The following XPR1 variants were observed in gnomAD, a reference collection of about 807,000 sequenced individuals.
The protein encoded by XPR1 is xenotropic and polytropic retrovirus receptor 1.
Under a neutral mutation model 87.5 loss-of-function variants are expected in XPR1, and 28 were observed. The observed-to-expected ratio is 0.32, with a 90% CI of 0.24 to 0.44. The LOEUF (loss-of-function observed/expected upper bound fraction) is 0.44, where lower values mean the gene tolerates loss of function less well. Ranked by LOEUF, XPR1 falls within the 20% of genes least tolerant of loss-of-function variation. XPR1 has a pLI of 1.00. For synonymous variants in XPR1, 300 were observed against 306.1 expected, an observed-to-expected ratio of 0.98 and a Z score of 0.21; for missense variants, 559 against 862.3, an observed-to-expected ratio of 0.65 and a Z score of 4.41.
At chr1:180,702,678 C>T (rs767494417) in intron 2 of XPR1, among the ~76,000 whole-genome samples, 5 of 151,760 alleles carry the variant, frequency 3.3e-5, no homozygotes, top group Non-Finnish European at 7.4e-5. Context: ...TTTCTCATTC[C>T]GATCATGAAT....
chr1:180,786,187 A>G (rs1649134617), intron 2 of XPR1, among the ~76,000 whole-genome samples: 1 of 152,194 alleles, frequency 6.6e-6, no homozygotes, highest in African/African-American at 2.4e-5. Context: ...GTGCAGTCTT[A>G]TTCAAATAAA....
chr1:180,860,488 A>G (rs1279299537), intron 11 of XPR1, among the ~76,000 whole-genome samples: 1 of 152,204 alleles, frequency 6.6e-6, no homozygotes, highest in Non-Finnish European at 1.5e-5. Flanking sequence ...AACAATTTGT[A>G]TACATCCTTA....
intron 2 of XPR1, among the ~76,000 whole-genome samples, chr1:180,746,466 G>C (rs1443816138): frequency 1.3e-5 from 2 of 152,144 alleles, no homozygotes; most frequent in East Asian, 3.9e-4. Context: ...CTTTCTTATG[G>C]CTGAGTAGTA....
chr1:180,669,362 ATTTTG>A (rs1213524434), intron 1 of XPR1, among the ~76,000 whole-genome samples: 3 of 151,656 alleles, frequency 2.0e-5, no homozygotes, highest in South Asian at 2.1e-4. Flanking sequence ...TAGTGTATAA[ATTTTG>A]TTTTGTTTTG....
intron 11 of XPR1, among the ~76,000 whole-genome samples, chr1:180,847,916 T>C (rs1651739267): frequency 6.6e-6 from 1 of 152,196 alleles, no homozygotes; most frequent in African/African-American, 2.4e-5. Flanking sequence ...AGGAATGGTT[T>C]GTGCCATTTA....
Position 180,788,150 on chromosome 1 carries a change from T to G in XPR1, c.223+296T>G, listed in dbSNP as rs16856438. 0.034 allele frequency among the ~76,000 whole-genome samples: 5,160 copies of G among 152,242 alleles called. 130 individuals are homozygous for G. Among genetic ancestry groups the G allele is most frequent in the African/African-American group, 0.07 (2,911 of 41,524 alleles). On this transcript the variant is annotated intron_variant, in intron 3 of 14. Transcript: ENST00000367590. ...TTCAAAGCTTGAAGAGTCAGAAACTTGATTTTATCATTTTGGCCAGAGATG... is the reference window on the plus strand; with the variant it reads ...TTCAAAGCTTGAAGAGTCAGAAACTGGATTTTATCATTTTGGCCAGAGATG...
intron 11 of XPR1, among the ~76,000 whole-genome samples, chr1:180,854,479 C>G (rs866937006): frequency 6.6e-6 from 1 of 152,182 alleles, no homozygotes; most frequent in Non-Finnish European, 1.5e-5. Context: ...AAATTCGGCT[C>G]TTTGTGTCAA....
intron 2 of XPR1, among the ~76,000 whole-genome samples, chr1:180,780,150 T>C (rs894805454): frequency 6.6e-6 from 1 of 152,246 alleles, no homozygotes; most frequent in African/African-American, 2.4e-5. Context: ...TGTGAACATA[T>C]GTTTTTACTT....
chr1:180,784,957 C>G (rs979083516), intron 2 of XPR1, among the ~76,000 whole-genome samples: 7 of 142,722 alleles, frequency 4.9e-5, no homozygotes, highest in African/African-American at 1.8e-4. Context: ...GCACACAATT[C>G]TTGCTGTTTT....
chr1:180,647,255 G>A (rs913617483), intron 1 of XPR1, among the ~76,000 whole-genome samples: 3 of 152,196 alleles, frequency 2.0e-5, no homozygotes, highest in East Asian at 1.9e-4. Flanking sequence ...TCGCTTGCTC[G>A]CTTGCCCACT....
chr1:180,635,702 A>G (rs952533346), intron 1 of XPR1, among the ~76,000 whole-genome samples: 6 of 152,212 alleles, frequency 3.9e-5, no homozygotes, highest in African/African-American at 1.4e-4. Context: ...ATATGTGTAT[A>G]TGTCTCTTGA....
chr1:180,831,446 T>A (rs569098508), intron 9 of XPR1, among the ~76,000 whole-genome samples: 34 of 149,384 alleles, frequency 2.3e-4, no homozygotes, highest in Non-Finnish European at 2.7e-4. Context: ...GTGCAGAACA[T>A]GCAGGTTTGT....
intron 7 of XPR1, among the ~76,000 whole-genome samples, chr1:180,815,701 CAT>C (rs1315400148): frequency 6.6e-6 from 1 of 151,880 alleles, no homozygotes; most frequent in Non-Finnish European, 1.5e-5. Flanking sequence ...TTCCTACTAA[CAT>C]ATATAACTTA....
At chr1:180,797,582 C>A (rs1319655982) in intron 3 of XPR1, among the ~76,000 whole-genome samples, 2 of 152,166 alleles carry the variant, frequency 1.3e-5, no homozygotes, top group Non-Finnish European at 2.9e-5. Flanking sequence ...GGACATTAAA[C>A]AATTAGCAAA....
intron 3 of XPR1, among the ~76,000 whole-genome samples, chr1:180,788,664 A>G (rs1649269126): frequency 6.6e-6 from 1 of 152,216 alleles, no homozygotes; most frequent in African/African-American, 2.4e-5. Flanking sequence ...AATTGATGAA[A>G]AAAAAAGTAG....
intron 2 of XPR1, among the ~76,000 whole-genome samples, chr1:180,743,251 G>A (rs545355010): frequency 1.4e-5 from 2 of 140,212 alleles, no homozygotes; most frequent in South Asian, 2.2e-4. Flanking sequence ...AATATTTTTT[G>A]TATTTTAATG....
At chr1:180,672,950 C>G (rs1401530237) in intron 1 of XPR1, among the ~76,000 whole-genome samples, 1 of 152,100 alleles carries the variant, frequency 6.6e-6, no homozygotes, top group Non-Finnish European at 1.5e-5. Context: ...TCTTCATATG[C>G]TTTTCTTTAT....
rs575677931 is a variant in XPR1 at position 180,882,368 on chromosome 1, T to G, written c.2031-1638T>G. Among the ~76,000 whole-genome samples the G allele has an allele frequency of 7.9e-5, 12 of 152,282 alleles. No individual in the cohort carries two copies. In the East Asian group the frequency reaches 2.1e-3, roughly 27 times the overall value. ...GTGTGGTTTTTTTGTTTGTTTGTTT[T>G]TTTGAAACAGTATCTCGCTCCGTTG... On this transcript the variant is annotated intron_variant, in intron 14 of 14. Coordinates refer to ENST00000367590, the MANE Select transcript of XPR1 (RefSeq NM_004736.4).
At chr1:180,730,750 A>G (rs1658529194) in intron 2 of XPR1, among the ~76,000 whole-genome samples, 1 of 152,060 alleles carries the variant, frequency 6.6e-6, no homozygotes, top group Non-Finnish European at 1.5e-5. Context: ...AGCAGCCTTG[A>G]CATCCATGCT....
Sources: allele counts gnomAD v4.1 joint callset (sites outside exome capture counted in the v4.1 genomes callset), GRCh38; gene constraint gnomAD v4.1.1; transcripts MANE v1.5; gene names NCBI Gene and HGNC (gene_info 2026-07-23, HGNC 2026-07-21).